AKAP7: variants seen among roughly 807,000 people sequenced by gnomAD.
AKAP7 encodes the protein A-kinase anchoring protein 7, also known as A kinase (PRKA) anchor protein 7.
A neutral mutation model predicts 39.5 loss-of-function variants in AKAP7; 39 were observed. That is an observed-to-expected ratio of 0.99 (90% CI 0.76 to 1.29). The LOEUF (loss-of-function observed/expected upper bound fraction) is 1.29, where lower values mean the gene tolerates loss of function less well. Among genes scored for constraint, AKAP7 ranks in the 50% most tolerant of loss-of-function variants. AKAP7 has a pLI of 0.00. For missense variants in AKAP7, 414 were observed against 407.7 expected, an observed-to-expected ratio of 1.02 and a Z score of -0.13; for synonymous variants, 140 against 139.1, an observed-to-expected ratio of 1.01 and a Z score of -0.05.
intron 5 of AKAP7, among the ~76,000 whole-genome samples, chr6:131,198,300 G>A (rs1264585826): frequency 6.6e-6 from 1 of 152,072 alleles, no homozygotes; most frequent in Non-Finnish European, 1.5e-5. Flanking sequence ...AGTAACTTTT[G>A]ATTAATTGAT....
At chr6:131,279,195 T>A (rs770368545) in intron 7 of AKAP7, among the ~76,000 whole-genome samples, 2 of 152,184 alleles carry the variant, frequency 1.3e-5, no homozygotes, top group African/African-American at 2.4e-5. Context: ...ATGGCTACAA[T>A]CTCGTTTTGA....
At chr6:131,266,487 A>G (rs1248503868) in intron 7 of AKAP7, among the ~76,000 whole-genome samples, 2 of 152,230 alleles carry the variant, frequency 1.3e-5, no homozygotes, top group Non-Finnish European at 2.9e-5. Flanking sequence ...TTACATTTTC[A>G]AAGAACCTTA....
At chr6:131,207,034 A>G (rs2128287691) in intron 6 of AKAP7, among the ~76,000 whole-genome samples, 1 of 152,174 alleles carries the variant, frequency 6.6e-6, no homozygotes, top group Middle Eastern at 3.4e-3. Context: ...ACCTCTCTCG[A>G]TCTCTGTTGA....
At chr6:131,236,451 G>T (rs1811068949) in intron 7 of AKAP7, among the ~76,000 whole-genome samples, 1 of 152,182 alleles carries the variant, frequency 6.6e-6, no homozygotes, top group East Asian at 1.9e-4. Context: ...GAAAGTCATT[G>T]GTAGCTTGAT....
At chr6:131,248,254 A>C (rs943589574) in intron 7 of AKAP7, among the ~76,000 whole-genome samples, 2 of 152,198 alleles carry the variant, frequency 1.3e-5, no homozygotes, top group African/African-American at 4.8e-5. Context: ...CTTTATAATG[A>C]ACTTACCTGA....
At chr6:131,251,207 G>T (rs9483240) in intron 7 of AKAP7, among the ~76,000 whole-genome samples, 4,122 of 152,224 alleles carry the variant, frequency 0.027, 129 homozygotes, top group African/African-American at 0.074. Flanking sequence ...ATTCCACAGC[G>T]GCTTGTGCCT....
chr6:131,216,472 G>A (rs773871499), intron 6 of AKAP7, among the ~76,000 whole-genome samples: 5 of 152,176 alleles, frequency 3.3e-5, no homozygotes, highest in Admixed American at 1.3e-4. Flanking sequence ...TTTCTCTGGA[G>A]TGGACTGTTT....
Position 131,246,943 on chromosome 6 carries a change from T to A in AKAP7, c.850+27135T>A, listed in dbSNP as rs551272802. 1.8e-3 allele frequency among the ~76,000 whole-genome samples: 259 copies of A among 143,038 alleles called. 1 individual carries two copies. The highest frequency in any genetic ancestry group is 6.7e-3 in the African/African-American group (253 of 37,592). The allele number at this position is 143,038 out of a possible 152,430, so 93.8% of individuals were successfully genotyped here. A position where few individuals can be genotyped will look rare whatever the true frequency, so the allele number is the denominator to read the frequency against. On this transcript the variant is annotated intron_variant, in intron 7 of 7. Coordinates refer to ENST00000431975, the MANE Select transcript of AKAP7 (RefSeq NM_016377.4). ...GGTTTGTAGAGCCAGACAGATTGAG[T>A]TCAGATCCCCTTATTGTCAATACTC...
rs531582478 is a variant in AKAP7, at chr6:131,207,491, ATTTTTTT to A, written c.702+7938_702+7944del. Reference sequence around the variant, plus strand: ...TGCACACCATGCCTGGCTAATTAAAATTTTTTTTTTTTTTTTTTTTTTTTTTAGATAT... The same window carrying A: ...TGCACACCATGCCTGGCTAATTAAAATTTTTTTTTTTTTTTTTTTAGATAT... On this transcript the variant is annotated intron_variant, in intron 6 of 7. Transcript: ENST00000431975. 1.0e-3 allele frequency among the ~76,000 whole-genome samples: 81 copies of A among 78,798 alleles called. 1 individual carries two copies. Among genetic ancestry groups the A allele is most frequent in the African/African-American group, 2.7e-3 (55 of 20,148 alleles). The allele number at this position is 78,798 out of a possible 152,430, so 51.7% of individuals were successfully genotyped here.
At chr6:131,280,654 C>T (rs1277082880) in intron 7 of AKAP7, among the ~76,000 whole-genome samples, 3 of 152,174 alleles carry the variant, frequency 2.0e-5, no homozygotes, top group Non-Finnish European at 2.9e-5. Context: ...GGGTCCCCAG[C>T]TCGATGGGAG....
chr6:131,253,237 C>T (rs1368747776), intron 7 of AKAP7: 1 of 828,796 alleles, frequency 1.2e-6, no homozygotes, highest in Middle Eastern at 2.4e-4. Context: ...CTATTGATAG[C>T]AAATGATGAT....
intron 6 of AKAP7, among the ~76,000 whole-genome samples, chr6:131,214,386 A>G (rs767316378): frequency 1.3e-5 from 2 of 152,198 alleles, no homozygotes; most frequent in Non-Finnish European, 2.9e-5. Context: ...AAGTTTATAA[A>G]TACAGGAGTT....
chr6:131,210,165 A>G (rs1253660921), intron 6 of AKAP7, among the ~76,000 whole-genome samples: 1 of 152,212 alleles, frequency 6.6e-6, no homozygotes, highest in Admixed American at 6.5e-5. Context: ...TTTATATCAG[A>G]ATTATACTTC....
At chr6:131,230,055 A>G (rs997227343) in intron 7 of AKAP7, among the ~76,000 whole-genome samples, 2 of 152,218 alleles carry the variant, frequency 1.3e-5, no homozygotes, top group African/African-American at 4.8e-5. Context: ...AGTGATGAAC[A>G]TATGAGTGCA....
At chr6:131,190,774 T>G (rs1806334764) in intron 5 of AKAP7, among the ~76,000 whole-genome samples, 1 of 152,218 alleles carries the variant, frequency 6.6e-6, no homozygotes, top group South Asian at 2.1e-4. Context: ...ACTGTTTTAA[T>G]TTTCTGTTAA....
intron 6 of AKAP7, among the ~76,000 whole-genome samples, chr6:131,216,920 A>G (rs1431933028): frequency 6.6e-6 from 1 of 152,220 alleles, no homozygotes; most frequent in Non-Finnish European, 1.5e-5. Context: ...TTTGTTAAAG[A>G]TACCTCACAT....
At chr6:131,173,344 A>G (rs1249699246) in intron 5 of AKAP7, among the ~76,000 whole-genome samples, 1 of 152,178 alleles carries the variant, frequency 6.6e-6, no homozygotes, top group African/African-American at 2.4e-5. Flanking sequence ...TTGAACACTT[A>G]GAATCCAGTT....
At chr6:131,173,290 A>G (rs1038790350) in intron 5 of AKAP7, among the ~76,000 whole-genome samples, 5 of 152,036 alleles carry the variant, frequency 3.3e-5, no homozygotes, top group Admixed American at 6.6e-5. Context: ...TTACCTAATG[A>G]ATGTTGAACA....
intron 3 of AKAP7, among the ~76,000 whole-genome samples, chr6:131,161,314 C>G (rs1301723973): frequency 6.6e-6 from 1 of 151,888 alleles, no homozygotes; most frequent in African/African-American, 2.4e-5. Context: ...TTTACTGATA[C>G]ATATTTGATT....
Sources: gnomAD v4.1 joint callset for allele counts (sites outside exome capture counted in the v4.1 genomes callset) on GRCh38, gnomAD v4.1.1 for gene constraint, MANE v1.5 for transcripts, NCBI Gene and HGNC (gene_info 2026-07-23, HGNC 2026-07-21) for gene names.